ANXA8: variants seen among roughly 807,000 people sequenced by gnomAD.
ANXA8 encodes the protein VAC-beta.
A neutral mutation model predicts 26.8 loss-of-function variants in ANXA8; 9 were observed. The observed-to-expected ratio is 0.34, with a 90% CI of 0.20 to 0.59. The LOEUF (loss-of-function observed/expected upper bound fraction) is 0.59. Ranked by LOEUF, ANXA8 falls within the 20% of genes least tolerant of loss-of-function variation. The pLI, the probability that ANXA8 is intolerant of heterozygous loss-of-function variation, is 0.84. For missense variants in ANXA8, 83 were observed against 238.5 expected (o/e 0.35, Z 4.29); for synonymous variants, 39 against 94.8 (o/e 0.41, Z 3.42).
the ANXA8 span, among the ~76,000 whole-genome samples, chr10:47,573,749 A>AT: frequency 0.71 from 65,687 of 92,988 alleles, 21,981 homozygotes; most frequent in Non-Finnish European, 0.78. Flanking sequence ...ACTTCATGAG[A>AT]TTTTTTCTGT....
At chr10:47,631,061 C>A in the ANXA8 span, among the ~76,000 whole-genome samples, 1 of 149,910 alleles carries the variant, frequency 6.7e-6, no homozygotes, top group Non-Finnish European at 1.5e-5. Flanking sequence ...ATGTAACAGT[C>A]TTGGCAATGG....
the ANXA8 span, among the ~76,000 whole-genome samples, chr10:47,554,110 A>AAAATAAATAAATAAATAAAT: frequency 7.2e-3 from 940 of 129,848 alleles, 10 homozygotes; most frequent in East Asian, 9.6e-3. Flanking sequence ...CATCTCTCAA[A>AAAATAAATAAATAAATAAAT]AAATAAATAA....
At chr10:47,607,564 A>G in the ANXA8 span, among the ~76,000 whole-genome samples, 1 of 134,420 alleles carries the variant, frequency 7.4e-6, no homozygotes, top group East Asian at 2.1e-4. Context: ...TCATTTTGCA[A>G]ATTTTTATTA....
At chr10:47,750,734 G>T in the ANXA8 span, 1 of 143,432 alleles carries the variant, frequency 7.0e-6, no homozygotes, top group African/African-American at 2.6e-5. Context: ...CACTGAGCTC[G>T]ACTTAAATCT....
the ANXA8 span, among the ~76,000 whole-genome samples, chr10:47,699,285 T>TTGCAGTG: frequency 7.2e-6 from 1 of 138,764 alleles, no homozygotes; most frequent in Non-Finnish European, 1.5e-5. Flanking sequence ...GAGGTGGAGG[T>TTGCAGTG]TGCAGTGAGC....
chr10:47,605,932 G>GA, the ANXA8 span, among the ~76,000 whole-genome samples: 75 of 95,606 alleles, frequency 7.8e-4, no homozygotes, highest in East Asian at 0.01. Flanking sequence ...AGTTTTAAAA[G>GA]AAAAAAAAAA....
At chr10:47,507,847 A>G in the ANXA8 span, among the ~76,000 whole-genome samples, 5 of 104,776 alleles carry the variant, frequency 4.8e-5, 1 homozygote, top group African/African-American at 1.8e-4. Flanking sequence ...TTTCCCTTTT[A>G]TATGCTTTTC....
the ANXA8 span, among the ~76,000 whole-genome samples, chr10:47,745,621 A>G: frequency 8.2e-6 from 1 of 121,644 alleles, no homozygotes; most frequent in African/African-American, 2.8e-5. Flanking sequence ...TTTGGCAACA[A>G]TGGCATCGAG....
chr10:47,694,417 CTTTT>C, the ANXA8 span, among the ~76,000 whole-genome samples: 2 of 107,960 alleles, frequency 1.9e-5, no homozygotes, highest in South Asian at 2.7e-4. Flanking sequence ...AGAAATCTTC[CTTTT>C]TTTTTTTTTT....
the ANXA8 span, among the ~76,000 whole-genome samples, chr10:47,932,642 G>A: frequency 8.4e-6 from 1 of 119,678 alleles, no homozygotes; most frequent in Non-Finnish European, 1.7e-5. Context: ...AAGTTATGGG[G>A]ATTCTTCATG....
chr10:47,661,293 T>C, the ANXA8 span, among the ~76,000 whole-genome samples: 3 of 83,292 alleles, frequency 3.6e-5, no homozygotes, highest in African/African-American at 1.9e-4. Context: ...CTAAGAGTGT[T>C]ATGAGAATTC....
chr10:47,552,213 C>T, the ANXA8 span, among the ~76,000 whole-genome samples: 33 of 151,940 alleles, frequency 2.2e-4, no homozygotes, highest in Admixed American at 1.8e-3. Flanking sequence ...ATCACCAGTA[C>T]CTATTTCTGC....
At chr10:47,959,478 G>A in the ANXA8 span, among the ~76,000 whole-genome samples, 2 of 149,480 alleles carry the variant, frequency 1.3e-5, no homozygotes, top group African/African-American at 2.5e-5. Context: ...GGATCAGCAC[G>A]TGGACAGCAG....
the ANXA8 span, among the ~76,000 whole-genome samples, chr10:47,958,991 G>A: frequency 1.6e-4 from 24 of 150,202 alleles, 2 homozygotes; most frequent in African/African-American, 5.2e-4. Flanking sequence ...TCATATCAAC[G>A]ATGTTATCCT....
At chr10:47,565,209 A>T in the ANXA8 span, 6 of 634,892 alleles carry the variant, frequency 9.5e-6, no homozygotes, top group African/African-American at 9.4e-5. Context: ...TCAGGAATGC[A>T]GGAGCCTCCC....
chr10:47,744,064 G>A, the ANXA8 span, among the ~76,000 whole-genome samples: 1 of 148,866 alleles, frequency 6.7e-6, no homozygotes, highest in Non-Finnish European at 1.5e-5. Flanking sequence ...CTAGGGGAAG[G>A]AGCGGAGGGG....
chr10:47,566,792 AC>A, the ANXA8 span, among the ~76,000 whole-genome samples: 1 of 128,128 alleles, frequency 7.8e-6, no homozygotes, highest in Non-Finnish European at 1.7e-5. Context: ...CAGTCCAGCC[AC>A]TGAGTGCCTC....
the ANXA8 span, among the ~76,000 whole-genome samples, chr10:47,655,443 G>A: frequency 6.6e-6 from 1 of 151,888 alleles, no homozygotes; most frequent in East Asian, 1.9e-4. Context: ...GGTTTTATGT[G>A]TCAGTGTGAC....
At chr10:47,531,854 CCCTAAG>C in the ANXA8 span, among the ~76,000 whole-genome samples, 7 of 137,978 alleles carry the variant, frequency 5.1e-5, no homozygotes, top group East Asian at 2.1e-4. Context: ...CCCCCACCCT[CCCTAAG>C]CCTCTCTGTG....
Sources: allele counts gnomAD v4.1 joint callset (sites outside exome capture counted in the v4.1 genomes callset), GRCh38; gene constraint gnomAD v4.1.1; transcripts MANE v1.5; gene names NCBI Gene and HGNC (gene_info 2026-07-23, HGNC 2026-07-21).